MTERF4: variants seen among roughly 807,000 people sequenced by gnomAD.
MTERF4 encodes transcription termination factor 4, mitochondrial.
A neutral mutation model predicts 22.5 loss-of-function variants in MTERF4; 17 were observed. The observed-to-expected ratio is 0.75, with a 90% CI of 0.52 to 1.13. MTERF4 has a LOEUF of 1.13. MTERF4 is among the 50% of genes most tolerant of loss of function. The probability of loss-of-function intolerance (pLI) is 0.00; values close to 1 mark genes in which losing one functional copy is unlikely to be tolerated. For synonymous variants in MTERF4, 165 were observed against 175.3 expected (o/e 0.94, Z 0.47); for missense variants, 420 against 466.8 (o/e 0.90, Z 0.92).
At chr2:241,065,234 G>C in the MTERF4 span, 8 of 1,551,804 alleles carry the variant, frequency 5.2e-6, no homozygotes, top group East Asian at 1.8e-4. Flanking sequence ...CCGCCGACGG[G>C]AGCCAGGCAT....
At chr2:241,049,799 T>C in the MTERF4 span, 1 of 1,600,080 alleles carries the variant, frequency 6.2e-7, no homozygotes, top group Non-Finnish European at 8.6e-7. Flanking sequence ...AGGACCACCC[T>C]CTGTCCCCCG....
the MTERF4 span, chr2:241,048,283 G>T: frequency 1.3e-6 from 2 of 1,566,510 alleles, no homozygotes; most frequent in South Asian, 2.4e-5. Flanking sequence ...CATTCCCTGC[G>T]TGGCCGCTGG....
downstream of MTERF4, among the ~76,000 whole-genome samples, chr2:241,084,251 C>T (rs1210409174): frequency 6.6e-6 from 1 of 151,884 alleles, no homozygotes; most frequent in East Asian, 1.9e-4. Context: ...ATTCTCCTGC[C>T]TCAGCCCCCC....
downstream of MTERF4, among the ~76,000 whole-genome samples, chr2:241,082,767 T>C (rs951957042): frequency 6.6e-6 from 1 of 152,358 alleles, no homozygotes; most frequent in East Asian, 1.9e-4. Context: ...TAACTCATGA[T>C]GTGGCCTTAG....
the MTERF4 span, chr2:241,051,970 C>G: frequency 6.6e-7 from 1 of 1,520,996 alleles, no homozygotes; most frequent in Non-Finnish European, 9.0e-7. This position sits in a 1 kb window ranked among gnomAD's most constrained non-coding sequence, Gnocchi z 4.7. Flanking sequence ...ATGAAGAGGC[C>G]CCAGCTCTGG....
chr2:241,049,233 C>A, the MTERF4 span: 32 of 873,514 alleles, frequency 3.7e-5, no homozygotes, highest in Non-Finnish European at 5.7e-5. Context: ...GTCCCTACTT[C>A]CCTTCTGACT....
the MTERF4 span, among the ~76,000 whole-genome samples, chr2:241,054,176 C>G: frequency 6.6e-6 from 1 of 152,198 alleles, no homozygotes; most frequent in Admixed American, 6.5e-5. Context: ...ATGACCCCCC[C>G]TCCCAATGCT....
chr2:241,051,545 G>A, the MTERF4 span: 1 of 448,510 alleles, frequency 2.2e-6, no homozygotes, highest in African/African-American at 2.0e-5. This position sits in a 1 kb window ranked among gnomAD's most constrained non-coding sequence, Gnocchi z 4.7. Context: ...GACTGAGTTG[G>A]GGTCTCCAGC....
chr2:241,058,464 C>T, the MTERF4 span, among the ~76,000 whole-genome samples: 6 of 151,992 alleles, frequency 3.9e-5, no homozygotes, highest in Non-Finnish European at 1.5e-5. Context: ...AAGTAGAGAT[C>T]CAAGATACAA....
intron 4 of MTERF4, among the ~76,000 whole-genome samples, chr2:241,077,888 G>A (rs1163814814): frequency 6.6e-6 from 1 of 152,116 alleles, no homozygotes; most frequent in Non-Finnish European, 1.5e-5. Flanking sequence ...ACTGTAAAGT[G>A]GTACAGCTGC....
At position 241,100,349 on chromosome 2, in the gene MTERF4, C is replaced by T. The variant is rs1250056395; in HGVS notation, c.22-455G>A. Among the ~76,000 whole-genome samples, 4 of 152,236 alleles carry T rather than the reference C, an allele frequency of 2.6e-5. 1 individual carries two copies. The South Asian group carries it at 6.2e-4, about 24-fold the overall frequency. On this transcript the variant is annotated intron_variant, in intron 1 of 3. Transcript: ENST00000391980. ...CCACTTATATGTGGATTTTCTTCCG[C>T]CTCTGCCACCCTTGAGACACCAAGA...
At chr2:241,064,133 G>A in the MTERF4 span, 14 of 1,531,492 alleles carry the variant, frequency 9.1e-6, no homozygotes, top group Admixed American at 1.8e-4. The surrounding 1 kb of genome is among the most constrained non-coding windows in gnomAD (Gnocchi z 7.0). Context: ...CAGGTAGGGC[G>A]GCAGGCCTGC....
chr2:241,044,021 T>TA, the MTERF4 span, among the ~76,000 whole-genome samples: 8 of 152,176 alleles, frequency 5.3e-5, no homozygotes, highest in African/African-American at 1.9e-4. Context: ...AAGTAAAAGA[T>TA]ATACATTGTA....
downstream of MTERF4, chr2:241,071,740 G>T: frequency 6.5e-7 from 1 of 1,529,788 alleles, no homozygotes. Flanking sequence ...CCACCCATCG[G>T]CCCCATCGCC....
chr2:241,083,008 A>G (rs2063403227), downstream of MTERF4, among the ~76,000 whole-genome samples: 1 of 152,132 alleles, frequency 6.6e-6, no homozygotes, highest in African/African-American at 2.4e-5. Context: ...ATCAGAACAG[A>G]GCAGACCAAA....
chr2:241,099,432 G>A lies in MTERF4; in HGVS notation c.484C>T (p.Arg162Cys), dbSNP rs530783597. The change falls in exon 2 of 4, where the codon CGC becomes TGC. Residue 162 changes from arginine to cysteine, a missense_variant. Physicochemically the swap from Arg to Cys is radical, Grantham distance 180. Transcript: ENST00000391980. The part of the protein sequence containing the change: ...LKLPIMQMRK[R>C]SSYLQKLGLG... ...CCAAGCTTTTGCAGGTAACTGGAGCGCTTCCTCATTTGCATAATAGGCAGT... is the reference window on the plus strand; with the variant it reads ...CCAAGCTTTTGCAGGTAACTGGAGCACTTCCTCATTTGCATAATAGGCAGT... 37 of 1,614,006 alleles carry A rather than the reference G, an allele frequency of 2.3e-5. No homozygotes were observed. In the East Asian group the frequency reaches 5.6e-4, roughly 24 times the overall value.
chr2:241,065,943 G>A, the MTERF4 span, among the ~76,000 whole-genome samples: 4 of 150,704 alleles, frequency 2.7e-5, no homozygotes, highest in South Asian at 2.1e-4. Context: ...CAGGGGCCGC[G>A]GGGGTGGGCT....
the MTERF4 span, among the ~76,000 whole-genome samples, chr2:241,061,405 G>C: frequency 1.3e-5 from 2 of 152,160 alleles, no homozygotes; most frequent in Non-Finnish European, 1.5e-5. Context: ...TGCATTGCTG[G>C]CAAGAGTATA....
In MTERF4 at chr2:241,099,877, G is replaced by A. The variant is rs1052148551; in HGVS notation, c.39C>T (p.Arg13=). Residue 13 remains arginine (R), a synonymous_variant, in exon 2 of 4, where the codon CGC becomes CGT. Transcript: ENST00000391980. ...AFGRQVLDWH[R]LIPLTWACMA... ...TACAGGCCCAGGTGAGGGGGATCAG[G>A]CGGTGCCAATCAAGGACCTGTAAGA... The A allele has an allele frequency of 6.2e-7, 1 of 1,612,740 alleles. No individual in the cohort carries two copies. Among genetic ancestry groups the A allele is most frequent in the Non-Finnish European group, 8.5e-7 (1 of 1,180,012 alleles).
Sources: gnomAD v4.1 joint callset for allele counts (sites outside exome capture counted in the v4.1 genomes callset) on GRCh38, gnomAD v4.1.1 for gene constraint, Gnocchi (gnomAD v3.1) non-coding constraint, MANE v1.5 for transcripts, NCBI Gene and HGNC (gene_info 2026-07-23, HGNC 2026-07-21) for gene names.